GART: variants seen among roughly 807,000 people sequenced by gnomAD.
The protein encoded by GART is trifunctional purine biosynthetic protein adenosine-3.
Under a neutral mutation model 107.2 loss-of-function variants are expected in GART, and 43 were observed. The observed-to-expected ratio is 0.40, with a 90% CI of 0.31 to 0.52. The LOEUF (loss-of-function observed/expected upper bound fraction) is 0.52, where lower values mean the gene tolerates loss of function less well. Ranked by LOEUF, GART falls within the 20% of genes least tolerant of loss-of-function variation. GART has a pLI of 0.52. For synonymous variants in GART, 434 were observed against 427.0 expected, an observed-to-expected ratio of 1.02 and a Z score of -0.20; for missense variants, 1,107 against 1,206.5, an observed-to-expected ratio of 0.92 and a Z score of 1.22.
chr21:33,542,838 G>A (rs888380910), upstream of GART: 4 of 559,960 alleles, frequency 7.1e-6, no homozygotes, highest in Admixed American at 3.1e-5. Context: ...TGGCGCCTGC[G>A]TCAGACACTA....
At chr21:33,509,742 G>A in intron 18 of GART, 41 bp downstream of exon 18, 1 of 1,601,650 alleles carries the variant, frequency 6.2e-7, no homozygotes, top group Non-Finnish European at 8.5e-7. Flanking sequence ...GAAAGGAAGG[G>A]CAGTCAACAG....
At position 33,512,061 on chromosome 21, in the gene GART, G is replaced by A. The variant is rs113908763; in HGVS notation, c.2108-603C>T. Among the ~76,000 whole-genome samples, 671 of 151,830 alleles carry A rather than the reference G, an allele frequency of 4.4e-3. 4 individuals carry two copies. The highest frequency in any genetic ancestry group is 0.016 in the African/African-American group (642 of 41,394). ...AACACTTTGAGAGGCTGAGGTGGGC[G>A]GATCACGAGGTCAGGAGATCGAGAC... On this transcript the variant is annotated intron_variant, in intron 16 of 21. Transcript: ENST00000381815.
At chr21:33,509,073 T>A (rs767703277) in intron 18 of GART, 1 of 152,212 alleles carries the variant, frequency 6.6e-6, no homozygotes, top group Non-Finnish European at 1.5e-5. Flanking sequence ...ATTAAACTTC[T>A]GGGAATGAAT....
intron 2 of GART, among the ~76,000 whole-genome samples, chr21:33,536,744 T>A (rs1484433490): frequency 1.3e-5 from 2 of 152,204 alleles, no homozygotes; most frequent in African/African-American, 4.8e-5. Context: ...ATAGTCAATC[T>A]GATAACCAAC....
At chr21:33,521,631 C>CAAA (rs571421187) in intron 12 of GART, among the ~76,000 whole-genome samples, 4 of 54,414 alleles carry the variant, frequency 7.4e-5, no homozygotes, top group South Asian at 6.7e-4. Flanking sequence ...GACTTTGTCT[C>CAAA]AAAAAAAAAA....
chr21:33,537,865 T>C (rs1461850889), intron 2 of GART, among the ~76,000 whole-genome samples: 1 of 152,180 alleles, frequency 6.6e-6, no homozygotes, highest in Non-Finnish European at 1.5e-5. Flanking sequence ...TGAGTATTAT[T>C]AGAATACTGA....
chr21:33,510,011 G>T (rs1010269371), intron 17 of GART, 91 bp from the exon 18 acceptor site: 10 of 1,198,842 alleles, frequency 8.3e-6, no homozygotes, highest in African/African-American at 1.5e-5. Context: ...AAACTTTAGG[G>T]TATGTTTTAT....
intron 13 of GART, 135 bp downstream of exon 13, chr21:33,520,771 T>C: frequency 1.4e-6 from 1 of 739,176 alleles, no homozygotes; most frequent in South Asian, 1.9e-5. Context: ...AATGTGCAGA[T>C]ATTTTAGCCA....
intron 16 of GART, among the ~76,000 whole-genome samples, chr21:33,513,544 T>C (rs2084827557): frequency 6.6e-6 from 1 of 152,040 alleles, no homozygotes; most frequent in African/African-American, 2.4e-5. Flanking sequence ...TACTCCAGCC[T>C]GGGCGACAGG....
intron 14 of GART, chr21:33,519,133 G>C (rs1033135717): frequency 3.6e-6 from 1 of 276,228 alleles, no homozygotes; most frequent in Non-Finnish European, 7.2e-6. Context: ...TCTTGTCAGC[G>C]TGGAAAAGGG....
intron 16 of GART, among the ~76,000 whole-genome samples, chr21:33,512,057 G>A (rs1308979625): frequency 2.0e-5 from 3 of 151,818 alleles, no homozygotes; most frequent in Non-Finnish European, 2.9e-5. Flanking sequence ...AGGCTGAGGT[G>A]GGCGGATCAC....
chr21:33,506,895 T>C (rs1478170553), intron 18 of GART, among the ~76,000 whole-genome samples: 1 of 152,016 alleles, frequency 6.6e-6, no homozygotes, highest in Non-Finnish European at 1.5e-5. Context: ...ATGGCTTTTA[T>C]CCAAAACACA....
chr21:33,535,345 A>G, intron 2 of GART, 25 bp from the exon 3 acceptor site: 1 of 1,381,808 alleles, frequency 7.2e-7, no homozygotes. Context: ...AAAAAAAAAA[A>G]AACCACTGCA....
intron 4 of GART, 85 bp downstream of exon 4, chr21:33,534,494 G>A: frequency 1.3e-5 from 19 of 1,443,598 alleles, no homozygotes; most frequent in Non-Finnish European, 1.7e-5. Flanking sequence ...TGGGATTACA[G>A]GTGAGCTACT....
rs2085187743 is a variant in GART at position 33,531,490 on chromosome 21, G to A, written c.596C>T (p.Ser199Leu). 2.5e-6 allele frequency: 4 copies of A among 1,611,756 alleles called. No individual in the cohort carries two copies. Among genetic ancestry groups the A allele is most frequent in the African/African-American group, 1.3e-5 (1 of 74,598 alleles). The change falls in exon 6 of 22, where the codon TCG becomes TTG. Residue 199 changes from serine to leucine, a missense_variant and splice_region_variant. By Grantham distance (145) the Ser-to-Leu change is moderately radical (BLOSUM62 -2). Transcript: ENST00000381815. ...IEELLDGEEV[S>L]CLCFTDGKTV... ...AGCCAAAAAGATGAATATACATACC[G>A]ACACCTCTTCTCCGTCAAGAAGTTC...
intron 16 of GART, among the ~76,000 whole-genome samples, chr21:33,515,128 T>G (rs2084851556): frequency 6.6e-6 from 1 of 152,202 alleles, no homozygotes; most frequent in African/African-American, 2.4e-5. Flanking sequence ...CAGCTTCACC[T>G]TCACCTGTGC....
chr21:33,510,056 C>T, intron 17 of GART, 136 bp from the exon 18 acceptor site: 1 of 755,898 alleles, frequency 1.3e-6, no homozygotes, highest in Middle Eastern at 3.5e-4. Flanking sequence ...CTAAAATGAA[C>T]AACACATTTG....
chr21:33,505,553 T>C lies in GART; in HGVS notation c.2725+8A>G, dbSNP rs1222519063. The C allele has an allele frequency of 1.3e-6, 2 of 1,583,312 alleles. No individual in the cohort carries two copies. Among genetic ancestry groups the C allele is most frequent in the Non-Finnish European group, 1.7e-6 (2 of 1,168,046 alleles). ...TTCCCAATGTGATGTCAAATAATTT[T>C]TGCTTACCATTCCACTTTTGGACAA... On this transcript the variant is annotated splice_region_variant and intron_variant, in intron 20 of 21. Coordinates refer to ENST00000381815, the MANE Select transcript of GART (RefSeq NM_000819.5).
chr21:33,542,331 T>C (rs528960236), upstream of GART: 2 of 152,438 alleles, frequency 1.3e-5, no homozygotes, highest in South Asian at 2.1e-4. Context: ...TGCCACGCAG[T>C]GTTTCCAGGA....
Sources: allele counts gnomAD v4.1 joint callset (sites outside exome capture counted in the v4.1 genomes callset), GRCh38; gene constraint gnomAD v4.1.1; transcripts MANE v1.5; gene names NCBI Gene and HGNC (gene_info 2026-07-23, HGNC 2026-07-21).